Variants in ANKRD28 observed in about 807,000 individuals in gnomAD.
ANKRD28 encodes the protein serine/threonine-protein phosphatase 6 regulatory ankyrin repeat subunit A.
Under a neutral mutation model 126.5 loss-of-function variants are expected in ANKRD28, and 44 were observed. The observed-to-expected ratio is 0.35, with a 90% confidence interval of 0.27 to 0.45. The LOEUF is 0.45. ANKRD28 is among the 20% of genes least tolerant of loss of function. The probability of loss-of-function intolerance (pLI) is 1.00; values close to 1 mark genes in which losing one functional copy is unlikely to be tolerated. For synonymous variants in ANKRD28, 442 were observed against 468.5 expected, an observed-to-expected ratio of 0.94 and a Z score of 0.73; for missense variants, 1,110 against 1,316.6, an observed-to-expected ratio of 0.84 and a Z score of 2.43.
chr3:15,746,147 T>G (rs180785695), intron 4 of ANKRD28, among the ~76,000 whole-genome samples: 3 of 152,356 alleles, frequency 2.0e-5, no homozygotes, highest in African/African-American at 7.2e-5. Flanking sequence ...GATCATATCA[T>G]CAGCAAACAG....
At position 15,685,371 on chromosome 3, in the gene ANKRD28, C is replaced by T; in HGVS notation, c.2244G>A (p.Arg748=). 6.2e-7 allele frequency: 1 copy of T among 1,613,984 alleles called. No individual in the cohort carries two copies. The highest frequency in any genetic ancestry group is 8.5e-7 in the Non-Finnish European group (1 of 1,179,868). The change falls in exon 21 of 28, where the codon AGG becomes AGA. Residue 748 remains arginine (R), a synonymous_variant. Transcript: ENST00000683139. ...HGAKCLLRDS[R]GRTPIHLSAA... ...CAGACAGGTGTATAGGCGTCCGGCCCCTGCTATCCCGAAGTAAGCACTTAG... is the reference window on the plus strand; with the variant it reads ...CAGACAGGTGTATAGGCGTCCGGCCTCTGCTATCCCGAAGTAAGCACTTAG...
chr3:15,684,785 C>T (rs1246104198), intron 21 of ANKRD28: 1 of 165,980 alleles, frequency 6.0e-6, no homozygotes, highest in Non-Finnish European at 1.3e-5. Context: ...TGGAAACATT[C>T]TAAAAACCTC....
Position 15,668,369 on chromosome 3 carries a change from C to G in ANKRD28, c.*1901G>C. On this transcript the variant is annotated 3_prime_UTR_variant, in exon 28 of 28. Transcript: ENST00000683139. Reference sequence around the variant, plus strand: ...GAATCTGCTTGATTTTTTTTTTTTTCAAAAGGTACAATAGAAAATGTAGTC... The same window carrying G: ...GAATCTGCTTGATTTTTTTTTTTTTGAAAAGGTACAATAGAAAATGTAGTC... 6.8e-6 allele frequency: 1 copy of G among 146,022 alleles called. No individual in the cohort carries two copies. The highest frequency in any genetic ancestry group is 2.0e-4 in the East Asian group (1 of 5,080). 9.0% of individuals were successfully genotyped at this position (146,022 alleles called of 1,614,324 possible).
chr3:15,857,252 C>T (rs148882447), intron 1 of ANKRD28, among the ~76,000 whole-genome samples: 84 of 152,276 alleles, frequency 5.5e-4, no homozygotes, highest in African/African-American at 1.9e-3. Context: ...CCTCAATGTT[C>T]GTTCTCCCTG....
chr3:15,800,766 G>A (rs1017569525), upstream of ANKRD28, among the ~76,000 whole-genome samples: 3 of 152,074 alleles, frequency 2.0e-5, no homozygotes, highest in Non-Finnish European at 2.9e-5. Context: ...TTTAGGGACT[G>A]TAAAATTCCT....
In ANKRD28 at chr3:15,845,357, C is replaced by T. The variant is rs1161928710; in HGVS notation, c.27+14020G>A. Among the ~76,000 whole-genome samples the T allele has an allele frequency of 1.3e-5, 2 of 152,018 alleles. No individual in the cohort carries two copies. Among genetic ancestry groups the T allele is most frequent in the African/African-American group, 4.8e-5 (2 of 41,388 alleles). ...TATTACATTTATCCCTCTTGACTAG[C>T]TTCTCAATTGGGAAATACTCCAACT... On this transcript the variant is annotated intron_variant, in intron 1 of 27. Coordinates refer to the ANKRD28 transcript ENST00000399451. The surrounding 1 kb of genome is among the most constrained non-coding windows in gnomAD (Gnocchi z 4.9).
At chr3:15,761,141 CTA>C (rs1443821508) in intron 3 of ANKRD28, among the ~76,000 whole-genome samples, 2 of 152,088 alleles carry the variant, frequency 1.3e-5, no homozygotes, top group African/African-American at 2.4e-5. Flanking sequence ...CAGTAACTGA[CTA>C]TTGTATGTTC....
chr3:15,822,943 T>C (rs1473798103), intron 1 of ANKRD28, among the ~76,000 whole-genome samples: 1 of 152,190 alleles, frequency 6.6e-6, no homozygotes, highest in Non-Finnish European at 1.5e-5. Context: ...ACTGACCTTA[T>C]GAAAGATTAC....
At chr3:15,711,145 A>C in intron 12 of ANKRD28, 66 bp downstream of exon 12, 4 of 1,333,674 alleles carry the variant, frequency 3.0e-6, no homozygotes, top group Non-Finnish European at 2.1e-6. Flanking sequence ...AAAAGAACAA[A>C]GATAAGAGAA....
chr3:15,778,798 T>C (rs2059414205), intron 2 of ANKRD28, among the ~76,000 whole-genome samples: 1 of 152,138 alleles, frequency 6.6e-6, no homozygotes, highest in Admixed American at 6.5e-5. Flanking sequence ...CTACCCAAAT[T>C]TAATCTTAAA....
rs2067653978 is a variant in ANKRD28 at position 15,682,536 on chromosome 3, CA to C, written c.2389+2689del. ...GTTTAGAGCTTCATAAAAATGAACA[CA>C]TTTTTTAAAGGAATAATAAGTATTC... is the stretch of plus-strand genomic sequence containing the variant. On this transcript the variant is annotated intron_variant, in intron 21 of 27. Transcript: ENST00000683139. Among the ~76,000 whole-genome samples the C allele has an allele frequency of 2.0e-5, 3 of 152,280 alleles. No homozygotes were observed. The South Asian group carries it at 6.2e-4, about 32-fold the overall frequency.
At chr3:15,766,600 T>G (rs2058750393) in intron 2 of ANKRD28, among the ~76,000 whole-genome samples, 1 of 151,836 alleles carries the variant, frequency 6.6e-6, no homozygotes, top group Non-Finnish European at 1.5e-5. Context: ...AGCCTGCAAG[T>G]GAATGAGGCT....
At chr3:15,774,260 T>C (rs937420107) in intron 2 of ANKRD28, among the ~76,000 whole-genome samples, 3 of 152,168 alleles carry the variant, frequency 2.0e-5, no homozygotes, top group Non-Finnish European at 2.9e-5. Flanking sequence ...AGTTAATGAA[T>C]TAAACTTCAT....
At chr3:15,823,531 TC>T (rs2060990153) in intron 1 of ANKRD28, among the ~76,000 whole-genome samples, 1 of 152,196 alleles carries the variant, frequency 6.6e-6, no homozygotes, top group African/African-American at 2.4e-5. Context: ...ACTTGAATAT[TC>T]TTCAACAAAT....
chr3:15,826,093 T>G (rs1185685084), intron 1 of ANKRD28, among the ~76,000 whole-genome samples: 1 of 152,122 alleles, frequency 6.6e-6, no homozygotes, highest in East Asian at 1.9e-4. Context: ...CATATCTATC[T>G]CAGAGAAACT....
Position 15,796,958 on chromosome 3 carries a change from T to C in ANKRD28, c.-437A>G, listed in dbSNP as rs2060304791. 1 of 985,436 alleles carries C rather than the reference T, an allele frequency of 1.0e-6. No homozygotes were observed. The highest frequency in any genetic ancestry group is 1.7e-5 in the African/African-American group (1 of 57,228). The allele number at this position is 985,436 out of a possible 1,614,324, so 61.0% of individuals were successfully genotyped here. On this transcript the variant is annotated 5_prime_UTR_variant, in exon 1 of 28. Transcript: ENST00000683139. ...TGAGAAACAACTGCTGTGACAGAGA[T>C]GATCACAGCGATACCCACTCTTGCC...
intron 2 of ANKRD28, among the ~76,000 whole-genome samples, chr3:15,785,611 C>A (rs1052716870): frequency 6.6e-6 from 1 of 152,056 alleles, no homozygotes; most frequent in African/African-American, 2.4e-5. Context: ...TTTATACCTG[C>A]TATGAGTGCA....
rs982996875 is a variant in ANKRD28, at chr3:15,724,456, A to G, written c.709T>C (p.Tyr237His). Residue 237 changes from tyrosine to histidine, a missense_variant, in exon 7 of 28, where the codon TAT becomes CAT. Coordinates refer to ENST00000683139, the MANE Select transcript of ANKRD28 (RefSeq NM_001349278.2). ...GAGGCTGCTGCATGAAGAGGTGTAT[A>G]AGACTTTTTATCCTTGCATGTCACT... ...AEVTCKDKKS[Y>H]TPLHAAASSG... 2 of 1,600,032 alleles carry G rather than the reference A, an allele frequency of 1.2e-6. No individual in the cohort carries two copies. The highest frequency in any genetic ancestry group is 1.7e-6 in the Non-Finnish European group (2 of 1,172,574).
chr3:15,734,552 G>A (rs2074883823), intron 6 of ANKRD28, among the ~76,000 whole-genome samples: 1 of 152,164 alleles, frequency 6.6e-6, no homozygotes, highest in South Asian at 2.1e-4. Flanking sequence ...TGGCTGCAAA[G>A]TGAGTTCTTT....
Sources: allele counts gnomAD v4.1 joint callset (sites outside exome capture counted in the v4.1 genomes callset), GRCh38; gene constraint gnomAD v4.1.1; non-coding constraint Gnocchi (gnomAD v3.1); transcripts MANE v1.5; gene names NCBI Gene and HGNC (gene_info 2026-07-23, HGNC 2026-07-21).